Variants in SLC4A7 observed in about 807,000 individuals in gnomAD.
The protein encoded by SLC4A7 is sodium bicarbonate cotransporter 3.
In SLC4A7, 51 loss-of-function variants were observed where a neutral mutation model predicts 137.6. The observed-to-expected ratio is 0.37, with a 90% confidence interval of 0.30 to 0.47. SLC4A7 has a LOEUF of 0.47. Ranked by LOEUF, SLC4A7 falls within the 20% of genes least tolerant of loss-of-function variation. The probability of loss-of-function intolerance (pLI) is 1.00; values close to 1 mark genes in which losing one functional copy is unlikely to be tolerated. For synonymous variants in SLC4A7, 542 were observed against 518.6 expected, an observed-to-expected ratio of 1.05 and a Z score of -0.61; for missense variants, 1,247 against 1,525.4, an observed-to-expected ratio of 0.82 and a Z score of 3.04.
intron 8 of SLC4A7, 126 bp downstream of exon 8, chr3:27,423,911 G>A: frequency 3.4e-6 from 2 of 596,252 alleles, no homozygotes; most frequent in Non-Finnish European, 5.9e-6. Context: ...GACATCACAT[G>A]CAGGTTTGTA....
At position 27,383,256 on chromosome 3, in the gene SLC4A7, T is replaced by A. The variant is rs776398466; in HGVS notation, c.3493-6A>T. ...TGAAGCATCCGTTCAGCTTCCTTTA[T>A]AACACATGTGTGAAGAGGTTACTTT... On this transcript the variant is annotated splice_polypyrimidine_tract_variant and splice_region_variant and intron_variant, in intron 23 of 25. Coordinates refer to ENST00000454389, the MANE Select transcript of SLC4A7 (RefSeq NM_001321103.2). The A allele has an allele frequency of 5.7e-6, 9 of 1,576,826 alleles. No homozygotes were observed. The highest frequency in any genetic ancestry group is 7.8e-6 in the Non-Finnish European group (9 of 1,147,400).
rs996416905 is a variant in SLC4A7 at position 27,434,804 on chromosome 3, T to C, written c.590-700A>G. 2.0e-5 allele frequency among the ~76,000 whole-genome samples: 3 copies of C among 151,814 alleles called. No homozygotes were observed. In the East Asian group the frequency reaches 5.8e-4, roughly 29 times the overall value. ...GTGGTACTAACTTGGAAGAAGAGGG[T>C]CAAATTTTCAAAACTACATGGTTAC... On this transcript the variant is annotated intron_variant, in intron 5 of 25. Transcript: ENST00000454389.
intron 12 of SLC4A7, among the ~76,000 whole-genome samples, chr3:27,411,209 G>A (rs888320643): frequency 6.6e-6 from 1 of 152,110 alleles, no homozygotes; most frequent in Non-Finnish European, 1.5e-5. Flanking sequence ...GTCCATGGAA[G>A]ATTACCTCAT....
intron 3 of SLC4A7, among the ~76,000 whole-genome samples, chr3:27,439,611 T>C (rs1363947969): frequency 6.6e-6 from 1 of 152,202 alleles, no homozygotes; most frequent in African/African-American, 2.4e-5. Context: ...CTCACTTAGT[T>C]CTCTTAAGTA....
At chr3:27,438,718 T>TAAAAC (rs1373517866) in intron 3 of SLC4A7, among the ~76,000 whole-genome samples, 2 of 148,802 alleles carry the variant, frequency 1.3e-5, no homozygotes, top group South Asian at 4.2e-4. Context: ...TAAAATAAAA[T>TAAAAC]AAAACAAAAT....
intron 7 of SLC4A7, 26 bp from the exon 8 acceptor site, chr3:27,424,178 TAGTA>T (rs1411544676): frequency 3.3e-6 from 4 of 1,223,106 alleles, no homozygotes; most frequent in Non-Finnish European, 4.7e-6. Context: ...AATTCCAAAT[TAGTA>T]AGGAGAAAAT....
chr3:27,420,842 T>C, intron 9 of SLC4A7, 55 bp from the exon 10 acceptor site: 2 of 1,158,952 alleles, frequency 1.7e-6, no homozygotes, highest in African/African-American at 1.6e-5. Flanking sequence ...CCCACAAAGC[T>C]AGGCAATCAT....
At chr3:27,404,256 A>T (rs936712611) in intron 14 of SLC4A7, among the ~76,000 whole-genome samples, 24 of 152,156 alleles carry the variant, frequency 1.6e-4, no homozygotes, top group African/African-American at 2.4e-4. Context: ...AATCCCAGCC[A>T]CTTGGGAGGC....
intron 1 of SLC4A7, among the ~76,000 whole-genome samples, chr3:27,453,249 CTACT>C (rs2058195022): frequency 6.6e-6 from 1 of 152,182 alleles, no homozygotes; most frequent in Non-Finnish European, 1.5e-5. Flanking sequence ...TCATCATTAA[CTACT>C]TATTATTAAC....
intron 23 of SLC4A7, among the ~76,000 whole-genome samples, chr3:27,383,994 G>C (rs1247196281): frequency 6.6e-6 from 1 of 152,118 alleles, no homozygotes; most frequent in Non-Finnish European, 1.5e-5. Flanking sequence ...TTAAGATTAA[G>C]GCTCAAGCTC....
intron 1 of SLC4A7, among the ~76,000 whole-genome samples, chr3:27,476,049 G>A (rs1321021379): frequency 6.6e-6 from 1 of 152,122 alleles, no homozygotes; most frequent in Non-Finnish European, 1.5e-5. Flanking sequence ...CTGACATCTG[G>A]AATCTGAAAT....
intron 5 of SLC4A7, among the ~76,000 whole-genome samples, chr3:27,436,000 T>C (rs2056710347): frequency 6.6e-6 from 1 of 152,264 alleles, no homozygotes; most frequent in Non-Finnish European, 1.5e-5. Context: ...TCTAGACTTT[T>C]CTTTACTCTT....
intron 1 of SLC4A7, among the ~76,000 whole-genome samples, chr3:27,460,318 G>A (rs755202036): frequency 6.6e-6 from 1 of 152,148 alleles, no homozygotes; most frequent in Non-Finnish European, 1.5e-5. Flanking sequence ...TTATAGGTGT[G>A]AGCCACTGCA....
At position 27,375,329 on chromosome 3, in the gene SLC4A7, A is replaced by T; in HGVS notation, c.*1435T>A. The T allele has an allele frequency of 6.6e-6, 1 of 152,052 alleles. No homozygotes were observed. The highest frequency in any genetic ancestry group is 1.9e-4 in the East Asian group (1 of 5,200). 9.4% of individuals were successfully genotyped at this position (152,052 alleles called of 1,614,324 possible). A position where few individuals can be genotyped will look rare whatever the true frequency, so the allele number is the denominator to read the frequency against. On this transcript the variant is annotated 3_prime_UTR_variant, in exon 26 of 26. Coordinates refer to ENST00000454389, the MANE Select transcript of SLC4A7 (RefSeq NM_001321103.2). ...ATATTTCTGTGGCTTCTCAATACTC[A>T]TTTGATTTTTGTAAATTATTCTCTT... is the stretch of plus-strand genomic sequence containing the variant.
chr3:27,446,069 GA>G (rs2057603099), intron 3 of SLC4A7, among the ~76,000 whole-genome samples: 1 of 144,482 alleles, frequency 6.9e-6, no homozygotes, highest in Non-Finnish European at 1.5e-5. Flanking sequence ...GCAACTATAT[GA>G]GGTTAAGGAT....
chr3:27,413,840 C>T (rs986343268), intron 11 of SLC4A7, among the ~76,000 whole-genome samples: 2 of 152,098 alleles, frequency 1.3e-5, no homozygotes, highest in Non-Finnish European at 2.9e-5. Flanking sequence ...TAACACTGTA[C>T]TAGAGATTTT....
At chr3:27,398,040 A>C (rs902790031) in intron 17 of SLC4A7, 152 bp downstream of exon 17, 10 of 650,614 alleles carry the variant, frequency 1.5e-5, no homozygotes, top group Non-Finnish European at 2.4e-5. Flanking sequence ...TCAGGCACGT[A>C]ATATACATTT....
At chr3:27,466,869 A>AT (rs890660145) in intron 1 of SLC4A7, among the ~76,000 whole-genome samples, 1 of 151,982 alleles carries the variant, frequency 6.6e-6, no homozygotes, top group Non-Finnish European at 1.5e-5. Flanking sequence ...GAAAAAAAAA[A>AT]TTTTTTTAAT....
intron 22 of SLC4A7, among the ~76,000 whole-genome samples, chr3:27,388,450 T>A (rs1323299098): frequency 6.6e-6 from 1 of 152,182 alleles, no homozygotes; most frequent in Non-Finnish European, 1.5e-5. Flanking sequence ...TCTTTAAAAT[T>A]AAGCTTTTAA....
Sources: gnomAD v4.1 joint callset for allele counts (sites outside exome capture counted in the v4.1 genomes callset) on GRCh38, gnomAD v4.1.1 for gene constraint, MANE v1.5 for transcripts, NCBI Gene and HGNC (gene_info 2026-07-23, HGNC 2026-07-21) for gene names.